The following HRNR variants were observed in gnomAD, a reference collection of about 807,000 sequenced individuals.
HRNR encodes hornerin.
Under a neutral mutation model 4.8 loss-of-function variants are expected in HRNR, and 7 were observed. The observed-to-expected ratio is 1.47, with a 90% confidence interval of 0.83 to 2.75. HRNR has a LOEUF of 2.75. Among genes scored for constraint, HRNR ranks in the 30% most tolerant of loss-of-function variants. HRNR has a pLI of 0.00. For synonymous variants in HRNR, 1,023 were observed against 1,242.7 expected (o/e 0.82, Z 3.72); for missense variants, 2,879 against 3,010.4 (o/e 0.96, Z 1.02).
At position 152,213,067 on chromosome 1, in the gene HRNR, G is replaced by T; in HGVS notation, c.*9C>A. 1 of 1,604,176 alleles carries T rather than the reference G, an allele frequency of 6.2e-7. No individual in the cohort carries two copies. The highest frequency in any genetic ancestry group is 8.5e-7 in the Non-Finnish European group (1 of 1,174,990). The stretch of plus-strand genomic sequence containing the variant: ...TGCTACTTGAGTAAATTGCATTTAT[G>T]TTTATTATTCACTGATAAAAGTAGC... On this transcript the variant is annotated 3_prime_UTR_variant, in exon 3 of 3. Coordinates refer to ENST00000368801, the MANE Select transcript of HRNR (RefSeq NM_001009931.3).
chr1:152,221,595 T>C (rs1436593455), intron 2 of HRNR, 105 bp from the exon 3 acceptor site: 2 of 856,660 alleles, frequency 2.3e-6, no homozygotes, highest in Non-Finnish European at 3.6e-6. Flanking sequence ...GGGTTATTTA[T>C]ATGGAACTCA....
In HRNR at chr1:152,213,048, T is replaced by C; in HGVS notation, c.*28A>G. 1 of 1,586,520 alleles carries C rather than the reference T, an allele frequency of 6.3e-7. No individual in the cohort carries two copies. Among genetic ancestry groups the C allele is most frequent in the East Asian group, 2.2e-5 (1 of 44,606 alleles). On this transcript the variant is annotated 3_prime_UTR_variant, in exon 3 of 3. Transcript: ENST00000368801. ...ACTTTCCTATTTCTTAAATTGCTAC[T>C]TGAGTAAATTGCATTTATGTTTATT... is the stretch of plus-strand genomic sequence containing the variant.
rs1385506972 is a variant in HRNR, at chr1:152,219,280, G to A, written c.2349C>T (p.Ser783=). 6.2e-7 allele frequency: 1 copy of A among 1,609,798 alleles called. No homozygotes were observed. The highest frequency in any genetic ancestry group is 1.7e-4 in the Middle Eastern group (1 of 6,014). The part of the protein sequence containing the change: ...GHSPSRVRHG[S]SSGHSSSHGQ... ...CGTGGCTGGAGGAGTGCCCTGAACT[G>A]GACCCATGTCGGACACGGCTAGGAG... The change falls in exon 3 of 3, where the codon TCC becomes TCT. Residue 783 remains serine (S), a synonymous_variant. Coordinates refer to ENST00000368801, the MANE Select transcript of HRNR (RefSeq NM_001009931.3).
chr1:152,213,134 G>A lies in HRNR; in HGVS notation c.8495C>T (p.Pro2832Leu), dbSNP rs1365810957. Residue 2832 changes from proline to leucine, a missense_variant, in exon 3 of 3, where the codon CCT becomes CTT. Physicochemically the swap from Pro to Leu is moderately conservative, Grantham distance 98. This residue lies in a region of HRNR where 158 missense variants were observed against 107.6 expected (regional missense o/e 1.47). Coordinates refer to ENST00000368801, the MANE Select transcript of HRNR (RefSeq NM_001009931.3). Reference sequence around the variant, plus strand: ...ATATTCATAGGGTGAAGTGCTACTAGGAAAACTGAGAAAATATGAGCCAGA... The same window carrying A: ...ATATTCATAGGGTGAAGTGCTACTAAGAAAACTGAGAAAATATGAGCCAGA... ...GSSGSYFLSF[P>L]SSTSPYEYVQ... is the part of the protein sequence containing the mutation. 7.4e-6 allele frequency: 12 copies of A among 1,613,960 alleles called. No homozygotes were observed. Among genetic ancestry groups the A allele is most frequent in the Non-Finnish European group, 1.0e-5 (12 of 1,180,018 alleles).
chr1:152,219,774 G>T lies in HRNR; in HGVS notation c.1855C>A (p.Gln619Lys), dbSNP rs148344035. Residue 619 changes from glutamine to lysine, a missense_variant, in exon 3 of 3, where the codon CAG becomes AAG. Coordinates refer to ENST00000368801, the MANE Select transcript of HRNR (RefSeq NM_001009931.3). ...CCATGTTGGCCACAGCTCGATGACTGTCCTGATGTAGAACCATGTTGCCCA... is the reference window on the plus strand; with the variant it reads ...CCATGTTGGCCACAGCTCGATGACTTTCCTGATGTAGAACCATGTTGCCCA... ...THGQHGSTSGQSSSCGQHGAT... is the reference protein window; with the variant it reads ...THGQHGSTSGKSSSCGQHGAT... 2 of 1,613,320 alleles carry T rather than the reference G, an allele frequency of 1.2e-6. No individual in the cohort carries two copies. The highest frequency in any genetic ancestry group is 2.7e-5 in the African/African-American group (2 of 74,856).
In HRNR at chr1:152,213,168, C is replaced by A; in HGVS notation, c.8461G>T (p.Gly2821Trp). ...SYCKGGSNHD[G>W]GSSGSYFLSF... ...AGAAAATATGAGCCAGAACTTCCCC[C>A]ATCATGGTTACTTCCTCCTTTGCAA... Residue 2821 changes from glycine (G) to tryptophan (W), a missense_variant, in exon 3 of 3, where the codon GGG becomes TGG. By Grantham distance (184) the Gly-to-Trp change is radical. Around this residue, in one of 8 missense-constraint regions of HRNR, gnomAD observed 158 missense variants for 107.6 expected, o/e 1.47. Transcript: ENST00000368801. 1 of 1,614,062 alleles carries A rather than the reference C, an allele frequency of 6.2e-7. No individual in the cohort carries two copies. Among genetic ancestry groups the A allele is most frequent in the Non-Finnish European group, 8.5e-7 (1 of 1,180,034 alleles).
Position 152,220,607 on chromosome 1 carries a change from C to T in HRNR, c.1022G>A (p.Gly341Asp), listed in dbSNP as rs769792080. The T allele has an allele frequency of 1.5e-5, 24 of 1,612,128 alleles. No individual in the cohort carries two copies. Among genetic ancestry groups the T allele is most frequent in the Non-Finnish European group, 2.0e-5 (23 of 1,178,748 alleles). The change falls in exon 3 of 3, where the codon GGC becomes GAC. Residue 341 changes from glycine (G) to aspartate (D), a missense_variant. By Grantham distance (94) the Gly-to-Asp change is moderately conservative. This residue lies in a region of HRNR where 2,646 missense variants were observed against 1,377.7 expected (regional missense o/e 1.92). Coordinates refer to ENST00000368801, the MANE Select transcript of HRNR (RefSeq NM_001009931.3). ...CCCAAAGCCAGAAGTCTGGCCTGAG[C>T]CAGACTCATAATGGCCACGGCTGTA... Reference protein sequence around the residue: ...YSYSRGHYESGSGQTSGFGQH... With the variant: ...YSYSRGHYESDSGQTSGFGQH...
rs1446159252 is a variant in HRNR at position 152,219,035 on chromosome 1, G to T, written c.2594C>A (p.Ser865Tyr). Residue 865 changes from serine (S) to tyrosine (Y), a missense_variant, in exon 3 of 3, where the codon TCC (serine) becomes TAC (tyrosine). Ser to Tyr is a moderately radical substitution (Grantham distance 144). Transcript: ENST00000368801. Reference protein sequence around the residue: ...GQHDSSSGQSSSYGQHESASH... With the variant: ...GQHDSSSGQSYSYGQHESASH... Reference sequence around the variant, plus strand: ...GGCAGACTCATGCTGACCATAGCTGGAAGATTGACCTGAGCTAGAGTCATG... The same window carrying T: ...GGCAGACTCATGCTGACCATAGCTGTAAGATTGACCTGAGCTAGAGTCATG... 11 of 1,613,974 alleles carry T rather than the reference G, an allele frequency of 6.8e-6. No individual in the cohort carries two copies. The highest frequency in any genetic ancestry group is 9.3e-6 in the Non-Finnish European group (11 of 1,180,032).
chr1:152,216,318 C>CA lies in HRNR; in HGVS notation c.5310dup (p.Gly1771TrpfsTer2), dbSNP rs1461202123. On this transcript the variant is annotated frameshift_variant, in exon 3 of 3. Transcript: ENST00000368801. LOFTEE classifies it low-confidence loss of function (END_TRUNC). ...CTACAGAAGTGCCCTGAGCCACTAC[C>CA]ATGCTGACTGTAAGCAGAGGAATGT... 1 of 1,332,986 alleles carries CA rather than the reference C, an allele frequency of 7.5e-7. No homozygotes were observed. Among genetic ancestry groups the CA allele is most frequent in the African/African-American group, 1.6e-5 (1 of 62,292 alleles). The allele number at this position is 1,332,986 out of a possible 1,614,324, so 82.6% of individuals were successfully genotyped here.
rs752509727 is a variant in HRNR at position 152,218,778 on chromosome 1, A to G, written c.2851T>C (p.Ser951Pro). ...TGTTCGTAGCTGGAGGAGTGACCTG[A>G]GCCAGATCCATGCTGAGTGTAACCA... Reference protein sequence around the residue: ...SSGYTQHGSGSGHSSSYEQHG... With the variant: ...SSGYTQHGSGPGHSSSYEQHG... Residue 951 changes from serine (S) to proline (P), a missense_variant, in exon 3 of 3, where the codon TCA becomes CCA. Around this residue, in one of 8 missense-constraint regions of HRNR, gnomAD observed 2,646 missense variants for 1,377.7 expected, o/e 1.92. Coordinates refer to ENST00000368801, the MANE Select transcript of HRNR (RefSeq NM_001009931.3). 1 of 1,613,702 alleles carries G rather than the reference A, an allele frequency of 6.2e-7. No homozygotes were observed. The highest frequency in any genetic ancestry group is 1.7e-5 in the Admixed American group (1 of 59,988).
At position 152,223,760 on chromosome 1, in the gene HRNR, A is replaced by G. The variant is rs138276994; in HGVS notation, c.-26+383T>C. Among the ~76,000 whole-genome samples, 55 of 152,314 alleles carry G rather than the reference A, an allele frequency of 3.6e-4. No individual in the cohort carries two copies. In the East Asian group the frequency reaches 0.01, roughly 28 times the overall value. On this transcript the variant is annotated intron_variant, in intron 1 of 2. Transcript: ENST00000368801. Reference sequence around the variant, plus strand: ...AATAGACAATGTGAGCAAAGCCAACAAGCCTAGGTGATATGAAGCTAAGGG... The same window carrying G: ...AATAGACAATGTGAGCAAAGCCAACGAGCCTAGGTGATATGAAGCTAAGGG...
rs1648445445 is a variant in HRNR at position 152,213,062 on chromosome 1, T to C, written c.*14A>G. 1 of 1,600,376 alleles carries C rather than the reference T, an allele frequency of 6.2e-7. No individual in the cohort carries two copies. Among genetic ancestry groups the C allele is most frequent in the Non-Finnish European group, 8.5e-7 (1 of 1,173,138 alleles). ...TAAATTGCTACTTGAGTAAATTGCA[T>C]TTATGTTTATTATTCACTGATAAAA... On this transcript the variant is annotated 3_prime_UTR_variant, in exon 3 of 3. Transcript: ENST00000368801.
rs146837788 is a variant in HRNR, at chr1:152,219,039, A to T, written c.2590T>A (p.Ser864Thr). Reference protein sequence around the residue: ...SGQHDSSSGQSSSYGQHESAS... With the variant: ...SGQHDSSSGQTSSYGQHESAS... Reference sequence around the variant, plus strand: ...GACTCATGCTGACCATAGCTGGAAGATTGACCTGAGCTAGAGTCATGTTGG... The same window carrying T: ...GACTCATGCTGACCATAGCTGGAAGTTTGACCTGAGCTAGAGTCATGTTGG... Residue 864 changes from serine to threonine, a missense_variant, in exon 3 of 3, where the codon TCT becomes ACT. Around this residue, in one of 8 missense-constraint regions of HRNR, gnomAD observed 2,646 missense variants for 1,377.7 expected, o/e 1.92. Coordinates refer to ENST00000368801, the MANE Select transcript of HRNR (RefSeq NM_001009931.3). 2 of 1,613,738 alleles carry T rather than the reference A, an allele frequency of 1.2e-6. No individual in the cohort carries two copies. Among genetic ancestry groups the T allele is most frequent in the African/African-American group, 1.3e-5 (1 of 74,760 alleles).
In HRNR at chr1:152,220,427, C is replaced by G; in HGVS notation, c.1202G>C (p.Gly401Ala). The change falls in exon 3 of 3, where the codon GGT (glycine) becomes GCT (alanine). Residue 401 changes from glycine to alanine, a missense_variant. Physicochemically the swap from Gly to Ala is moderately conservative, Grantham distance 60. Coordinates refer to ENST00000368801, the MANE Select transcript of HRNR (RefSeq NM_001009931.3). ...GTGACGGGAGGCAGACTCATGCTGA[C>G]CATAGCTGGAAGACTGACGTGAGCT... ...GSSSRQSSSY[G>A]QHESASRHSS... The G allele has an allele frequency of 6.2e-7, 1 of 1,614,074 alleles. No homozygotes were observed. Among genetic ancestry groups the G allele is most frequent in the Non-Finnish European group, 8.5e-7 (1 of 1,180,002 alleles).
chr1:152,219,358 C>A lies in HRNR; in HGVS notation c.2271G>T (p.Ser757=), dbSNP rs374420054. The change falls in exon 3 of 3, where the codon TCG becomes TCT. Residue 757 remains serine (S), a synonymous_variant. Coordinates refer to ENST00000368801, the MANE Select transcript of HRNR (RefSeq NM_001009931.3). ...GLSSSYGQHG[S]GSHQSSGHGR... ...CGTGGCCCGAAGATTGATGGGAGCC[C>A]GACCCATGCTGACCATAGCTGGAAG... The A allele has an allele frequency of 4.4e-6, 7 of 1,608,426 alleles. No individual in the cohort carries two copies. Among genetic ancestry groups the A allele is most frequent in the East Asian group, 2.2e-5 (1 of 44,522 alleles).
Position 152,218,539 on chromosome 1 carries a change from GC to G in HRNR, c.3089del (p.Gly1030AlafsTer21), listed in dbSNP as rs773573744. On this transcript the variant is annotated frameshift_variant, in exon 3 of 3. Coordinates refer to ENST00000368801, the MANE Select transcript of HRNR (RefSeq NM_001009931.3). LOFTEE classifies it low-confidence loss of function (END_TRUNC). ...QSSSYGPYRS[G>X]SGWSSSRGPY... ...GGCCACGGCTTGAAGACCACCCTGA[GC>G]CAGACCTATATGGGCCATAGCTGGA... 8.8e-5 allele frequency: 142 copies of G among 1,613,750 alleles called. No homozygotes were observed. The highest frequency in any genetic ancestry group is 1.2e-4 in the Non-Finnish European group (138 of 1,179,976).
Position 152,218,967 on chromosome 1 carries a change from C to G in HRNR, c.2662G>C (p.Gly888Arg), listed in dbSNP as rs746522784. 6 of 1,608,524 alleles carry G rather than the reference C, an allele frequency of 3.7e-6. No individual in the cohort carries two copies. Among genetic ancestry groups the G allele is most frequent in the Middle Eastern group, 1.6e-4 (1 of 6,064 alleles). ...CGCTGGCCGTGGCCTGGAGACTGGC[C>G]AGATCCAGAGCCATGTCGGCCGCGG... Reference protein sequence around the residue: ...SGRGRHGSGSGQSPGHGQRGS... With the variant: ...SGRGRHGSGSRQSPGHGQRGS... Residue 888 changes from glycine to arginine, a missense_variant, in exon 3 of 3, where the codon GGC becomes CGC. By Grantham distance (125) the Gly-to-Arg change is moderately radical (BLOSUM62 -2). Coordinates refer to ENST00000368801, the MANE Select transcript of HRNR (RefSeq NM_001009931.3).
chr1:152,222,265 G>T (rs991359892), intron 2 of HRNR, among the ~76,000 whole-genome samples: 2 of 152,216 alleles, frequency 1.3e-5, no homozygotes, highest in African/African-American at 4.8e-5. Context: ...GAAGAGTCAA[G>T]AAATGTGGAT....
chr1:152,219,635 T>A lies in HRNR; in HGVS notation c.1994A>T (p.His665Leu). The A allele has an allele frequency of 6.2e-7, 1 of 1,612,262 alleles. No individual in the cohort carries two copies. Residue 665 changes from histidine to leucine, a missense_variant, in exon 3 of 3, where the codon CAT becomes CTT. Transcript: ENST00000368801. ...GSGQSPSRGR[H>L]GSDFGHSSSY... The stretch of plus-strand genomic sequence containing the variant: ...GGAAGAGTGCCCAAAATCGGACCCA[T>A]GTCGGCCGCGACTAGGAGACTGGCC...
Sources: gnomAD v4.1 joint callset for allele counts (sites outside exome capture counted in the v4.1 genomes callset) on GRCh38, gnomAD v4.1.1 for gene constraint, gnomAD v4.1.1 regional missense constraint, MANE v1.5 for transcripts, NCBI Gene and HGNC (gene_info 2026-07-23, HGNC 2026-07-21) for gene names.